Variants in KRT35 observed in about 807,000 individuals in gnomAD.
KRT35 encodes keratin, type I cuticular Ha5.
A neutral mutation model predicts 42.2 loss-of-function variants in KRT35; 33 were observed. The observed-to-expected ratio is 0.78, with a 90% CI of 0.59 to 1.05. The LOEUF (loss-of-function observed/expected upper bound fraction) is 1.05. KRT35 is among the 50% of genes least tolerant of loss of function. KRT35 has a pLI of 0.00. For synonymous variants in KRT35, 218 were observed against 238.2 expected (o/e 0.92, Z 0.78); for missense variants, 585 against 589.2 (o/e 0.99, Z 0.07).
At position 41,477,572 on chromosome 17, in the gene KRT35, C is replaced by A; in HGVS notation, c.1166G>T (p.Arg389Leu). Residue 389 changes from arginine (R) to leucine (L), a missense_variant, in exon 6 of 7, where the codon CGG (arginine) becomes CTG (leucine). Arg to Leu is a moderately radical substitution (Grantham distance 102). Transcript: ENST00000246639. ...EYQVLLDVRA[R>L]LECEINTYRG... is the part of the protein sequence containing the mutation. Reference sequence around the variant, plus strand: ...GTACGTGTTGATCTCACACTCCAGCCGGGCCCGGACGTCCAGCAGCACCTG... The same window carrying A: ...GTACGTGTTGATCTCACACTCCAGCAGGGCCCGGACGTCCAGCAGCACCTG... The A allele has an allele frequency of 4.3e-6, 7 of 1,613,826 alleles. No individual in the cohort carries two copies. The highest frequency in any genetic ancestry group is 5.1e-6 in the Non-Finnish European group (6 of 1,179,980).
Position 41,480,619 on chromosome 17 carries a change from C to A in KRT35, c.471+8G>T, listed in dbSNP as rs201945790. 1.2e-5 allele frequency: 19 copies of A among 1,608,660 alleles called. No individual in the cohort carries two copies. Among genetic ancestry groups the A allele is most frequent in the South Asian group, 4.4e-5 (4 of 90,894 alleles). On this transcript the variant is annotated splice_region_variant and intron_variant, in intron 1 of 6. Transcript: ENST00000246639. Reference sequence around the variant, plus strand: ...CCTGGGAATCCAAAGCCACTCTGAACCTCTTACCTTCTTCTGGAGCTCCTC... The same window carrying A: ...CCTGGGAATCCAAAGCCACTCTGAAACTCTTACCTTCTTCTGGAGCTCCTC...
At position 41,481,060 on chromosome 17, in the gene KRT35, C is replaced by T; in HGVS notation, c.38G>A (p.Gly13Glu). 1 of 1,612,588 alleles carries T rather than the reference C, an allele frequency of 6.2e-7. No individual in the cohort carries two copies. Among genetic ancestry groups the T allele is most frequent in the Non-Finnish European group, 8.5e-7 (1 of 1,179,520 alleles). The change falls in exon 1 of 7, where the codon GGG becomes GAG. Residue 13 changes from glycine to glutamate, a missense_variant. Physicochemically the swap from Gly to Glu is moderately conservative, Grantham distance 98. Transcript: ENST00000246639. The part of the protein sequence containing the change: ...SKCLKAGFSS[G>E]SLKSPGGASG... ...GGCCCCTCCTGGGCTCTTGAGAGAC[C>T]CAGAAGAGAAGCCGGCCTTGAGGCA...
intron 6 of KRT35, 132 bp from the exon 7 acceptor site, chr17:41,477,335 G>A: frequency 2.2e-6 from 3 of 1,334,846 alleles, no homozygotes; most frequent in Non-Finnish European, 3.1e-6. Flanking sequence ...TTTACCAAAA[G>A]GGAAACAGGC....
At chr17:41,479,884 T>A (rs2019231080) in intron 1 of KRT35, 103 bp from the exon 2 acceptor site, 1 of 864,406 alleles carries the variant, frequency 1.2e-6, no homozygotes, top group Admixed American at 1.9e-5. Flanking sequence ...AAGTCACCCA[T>A]CCTAGACCTC....
intron 5 of KRT35, among the ~76,000 whole-genome samples, chr17:41,478,037 C>T (rs1378784105): frequency 6.6e-6 from 1 of 152,146 alleles, no homozygotes; most frequent in Non-Finnish European, 1.5e-5. Context: ...CTAATTAGCC[C>T]CTGTGGCTTC....
At chr17:41,477,770 A>C (rs2019197703) in intron 5 of KRT35, 32 bp from the exon 6 acceptor site, 2 of 1,596,534 alleles carry the variant, frequency 1.3e-6, no homozygotes, top group African/African-American at 2.7e-5. Flanking sequence ...AGGGAGGAAA[A>C]AGGCTAGAGG....
At chr17:41,479,577 C>T in intron 2 of KRT35, 74 bp from the exon 3 acceptor site, 5 of 1,581,794 alleles carry the variant, frequency 3.2e-6, no homozygotes, top group Non-Finnish European at 3.5e-6. Context: ...CTCAGACTGT[C>T]CAGGTGCTGT....
At position 41,481,061 on chromosome 17, in the gene KRT35, CAGA is replaced by C; in HGVS notation, c.34_36del (p.Ser12del). The C allele has an allele frequency of 6.2e-7, 1 of 1,612,662 alleles. No homozygotes were observed. Among genetic ancestry groups the C allele is most frequent in the Non-Finnish European group, 8.5e-7 (1 of 1,179,536 alleles). On this transcript the variant is annotated inframe_deletion, in exon 1 of 7. Coordinates refer to ENST00000246639, the MANE Select transcript of KRT35 (RefSeq NM_002280.6). ...GCCCCTCCTGGGCTCTTGAGAGACCCAGAAGAGAAGCCGGCCTTGAGGCATTTG... is the reference window on the plus strand; with the variant it reads ...GCCCCTCCTGGGCTCTTGAGAGACCCAGAGAAGCCGGCCTTGAGGCATTTG...
Position 41,481,007 on chromosome 17 carries a change from T to A in KRT35, c.91A>T (p.Met31Leu). ...AGCTTGCAAGAGCTGCTGGAGTACA[T>A]TGCGGACACACGAGTGGAGCCCCCA... Reference protein sequence around the residue: ...ASGGSTRVSAMYSSSSCKLPS... With the variant: ...ASGGSTRVSALYSSSSCKLPS... The change falls in exon 1 of 7, where the codon ATG (methionine) becomes TTG (leucine). Residue 31 changes from methionine to leucine, a missense_variant. By Grantham distance (15) the Met-to-Leu change is conservative. Coordinates refer to ENST00000246639, the MANE Select transcript of KRT35 (RefSeq NM_002280.6). 6.2e-7 allele frequency: 1 copy of A among 1,613,994 alleles called. No individual in the cohort carries two copies. The highest frequency in any genetic ancestry group is 2.2e-5 in the East Asian group (1 of 44,878).
chr17:41,479,363 T>G lies in KRT35; in HGVS notation c.695A>C (p.Lys232Thr). ...CATGCTCACCTCCTCATGGTTCTTC[T>G]TCAGGCAGAGCAGCTCCTCCTTCAG... ...ESLKEELLCL[K>T]KNHEEEVNSL... Residue 232 changes from lysine to threonine, a missense_variant, in exon 3 of 7, where the codon AAG becomes ACG. By Grantham distance (78) the Lys-to-Thr change is moderately conservative. Coordinates refer to ENST00000246639, the MANE Select transcript of KRT35 (RefSeq NM_002280.6). 1 of 1,614,014 alleles carries G rather than the reference T, an allele frequency of 6.2e-7. No individual in the cohort carries two copies. The highest frequency in any genetic ancestry group is 8.5e-7 in the Non-Finnish European group (1 of 1,179,972).
intron 4 of KRT35, among the ~76,000 whole-genome samples, 174 bp from the exon 5 acceptor site, chr17:41,478,660 G>C (rs1156700453): frequency 6.7e-6 from 1 of 148,488 alleles, no homozygotes; most frequent in Non-Finnish European, 1.5e-5. Context: ...TGCCCAAGTG[G>C]GTCTGTTTTG....
At chr17:41,479,290 C>A in intron 3 of KRT35, 57 bp downstream of exon 3, 1 of 1,558,048 alleles carries the variant, frequency 6.4e-7, no homozygotes. Flanking sequence ...TCCCCATGTT[C>A]ACCTCCTCCC....
At chr17:41,480,052 C>T (rs2019232516) in intron 1 of KRT35, among the ~76,000 whole-genome samples, 1 of 152,184 alleles carries the variant, frequency 6.6e-6, no homozygotes, top group Admixed American at 6.5e-5. Flanking sequence ...TGAAATGAGG[C>T]TTCTTCCAAT....
At position 41,477,106 on chromosome 17, in the gene KRT35, TTG is replaced by T; in HGVS notation, c.1316_1317del (p.Thr439LysfsTer40). ...AASCGPSAAR[T>X]NCSPRPICVP... ...ACACAAATGGGGCGGGGGCTGCAGT[TTG>T]TGCGGGCTGCACTAGGACCGCAGGA... is the stretch of plus-strand genomic sequence containing the variant. On this transcript the variant is annotated frameshift_variant, in exon 7 of 7. Transcript: ENST00000246639. LOFTEE classifies it high-confidence loss of function. 6.2e-7 allele frequency: 1 copy of T among 1,607,354 alleles called. No homozygotes were observed. The highest frequency in any genetic ancestry group is 8.5e-7 in the Non-Finnish European group (1 of 1,177,760).
At chr17:41,480,560 C>G in intron 1 of KRT35, 67 bp downstream of exon 1, 1 of 1,275,152 alleles carries the variant, frequency 7.8e-7, no homozygotes. Flanking sequence ...CCTATGGGAA[C>G]AGAACTACCA....
rs759415907 is a variant in KRT35, at chr17:41,477,646, G to T, written c.1092C>A (p.Ala364=). The change falls in exon 6 of 7, where the codon GCC becomes GCA. Residue 364 remains alanine (A), a synonymous_variant. Transcript: ENST00000246639. ...QMQCMITNVE[A]QLAEIRADLE... ...GGTCAGCCCGGATCTCGGCCAGCTG[G>T]GCCTCCACGTTGGTGATCATGCACT... 19 of 1,614,104 alleles carry T rather than the reference G, an allele frequency of 1.2e-5. No homozygotes were observed. Among genetic ancestry groups the T allele is most frequent in the Middle Eastern group, 3.3e-4 (2 of 6,084 alleles).
rs2019176886 is a variant in KRT35, at chr17:41,476,783, A to G, written c.*273T>C. On this transcript the variant is annotated 3_prime_UTR_variant, in exon 7 of 7. Coordinates refer to ENST00000246639, the MANE Select transcript of KRT35 (RefSeq NM_002280.6). ...GCATTTCAGAATCCACCGGAACAGC[A>G]CCTAGAAGGAAAACCTGACCCAGGA... is the stretch of plus-strand genomic sequence containing the variant. The G allele has an allele frequency of 8.2e-6, 3 of 367,050 alleles. No individual in the cohort carries two copies. The Admixed American group carries it at 1.3e-4, about 15-fold the overall frequency. The allele number at this position is 367,050 out of a possible 1,614,324, so 22.7% of individuals were successfully genotyped here. A position where few individuals can be genotyped will look rare whatever the true frequency, so the allele number is the denominator to read the frequency against.
rs868268383 is a variant in KRT35 at position 41,478,299 on chromosome 17, T to A, written c.999+62A>T. On this transcript the variant is annotated intron_variant, in intron 5 of 6. Transcript: ENST00000246639. ...GCCTGTGTGGTCAAAGCATGGAAGC[T>A]GGGGAGCTTGTGTGCTCCTCGGCTT... The A allele has an allele frequency of 5.7e-6, 9 of 1,572,996 alleles. No individual in the cohort carries two copies. In the South Asian group the frequency reaches 6.9e-5, roughly 12 times the overall value.
rs779937253 is a variant in KRT35, at chr17:41,479,694, C to G, written c.554+5G>C. The G allele has an allele frequency of 6.2e-7, 1 of 1,611,990 alleles. No individual in the cohort carries two copies. Among genetic ancestry groups the G allele is most frequent in the Non-Finnish European group, 8.5e-7 (1 of 1,178,206 alleles). ...CCCAACCACATGACAAGCAGGACAACTCACTTGGTCCTGAAGTCATCTGCA... is the reference window on the plus strand; with the variant it reads ...CCCAACCACATGACAAGCAGGACAAGTCACTTGGTCCTGAAGTCATCTGCA... On this transcript the variant is annotated splice_donor_5th_base_variant and intron_variant, in intron 2 of 6. Transcript: ENST00000246639.
Sources: gnomAD v4.1 joint callset for allele counts (sites outside exome capture counted in the v4.1 genomes callset) on GRCh38, gnomAD v4.1.1 for gene constraint, MANE v1.5 for transcripts, NCBI Gene and HGNC (gene_info 2026-07-23, HGNC 2026-07-21) for gene names.